CCM2L: variants seen among roughly 807,000 people sequenced by gnomAD.
The protein encoded by CCM2L is cerebral cavernous malformations 2 protein-like.
Under a neutral mutation model 54.1 loss-of-function variants are expected in CCM2L, and 36 were observed. The ratio of observed to expected loss-of-function variants is 0.67; its 90% CI spans 0.51 to 0.88. CCM2L has a LOEUF of 0.88. Among genes scored for constraint, CCM2L ranks in the 40% least tolerant of loss-of-function variants. The pLI is 0.00. For synonymous variants in CCM2L, 351 were observed against 359.3 expected (o/e 0.98, Z 0.26); for missense variants, 700 against 812.1 (o/e 0.86, Z 1.68).
In CCM2L at chr20:32,029,846, C is replaced by A. The variant is rs772023821; in HGVS notation, c.1402+8C>A. The A allele has an allele frequency of 1.3e-5, 20 of 1,590,032 alleles. No homozygotes were observed. The African/African-American group carries it at 2.4e-4, about 19-fold the overall frequency. ...GCAAGTTCCTCCTCCTTGGTGAGCC[C>A]CCGCTGTACCCCCAGAGGTCAGCTA... On this transcript the variant is annotated splice_region_variant and intron_variant, in intron 9 of 9. Transcript: ENST00000452892.
At position 32,015,015 on chromosome 20, in the gene CCM2L, GACT is replaced by G. The variant is rs1568910285; in HGVS notation, c.145_147del (p.Tyr49del). The stretch of plus-strand genomic sequence containing the variant: ...GCACTCGATGCCCCTTTATCCCCCC[GACT>G]ACCTCATCGACCCCCAGATTCTGCT... On this transcript the variant is annotated inframe_deletion, in exon 2 of 10. Coordinates refer to ENST00000452892, the MANE Select transcript of CCM2L (RefSeq NM_001365692.1). 2 of 1,569,536 alleles carry G rather than the reference GACT, an allele frequency of 1.3e-6. No individual in the cohort carries two copies. The highest frequency in any genetic ancestry group is 2.3e-5 in the South Asian group (2 of 86,354).
intron 1 of CCM2L, among the ~76,000 whole-genome samples, chr20:32,012,632 G>A (rs1018233470): frequency 2.0e-5 from 3 of 152,158 alleles, no homozygotes; most frequent in Non-Finnish European, 4.4e-5. Context: ...GAAATGCACA[G>A]TCTCAAGCTC....
chr20:32,018,924 G>A lies in CCM2L; in HGVS notation c.467-19G>A, dbSNP rs1364136553. The A allele has an allele frequency of 1.5e-6, 2 of 1,302,144 alleles. No individual in the cohort carries two copies. The highest frequency in any genetic ancestry group is 3.2e-5 in the East Asian group (1 of 31,678). 80.7% of individuals were successfully genotyped at this position (1,302,144 alleles called of 1,614,324 possible). On this transcript the variant is annotated intron_variant, in intron 4 of 9. Transcript: ENST00000452892. ...TGAGTCCCGATCCCCGCGGCTGACG[G>A]TCCCCCGGACTCTCCTAGGTCTGGG...
At chr20:32,029,613 G>A in intron 8 of CCM2L, 87 bp from the exon 9 acceptor site, 1 of 1,482,478 alleles carries the variant, frequency 6.7e-7, no homozygotes, top group Non-Finnish European at 9.0e-7. Flanking sequence ...GACCAAACAT[G>A]CCCTTAGGGA....
Position 32,031,004 on chromosome 20 carries a change from T to C in CCM2L, c.1406T>C (p.Met469Thr), listed in dbSNP as rs1482903881. Residue 469 changes from methionine to threonine, a missense_variant, in exon 10 of 10, where the codon ATG becomes ACG. By Grantham distance (81) the Met-to-Thr change is moderately conservative. Transcript: ENST00000452892. Reference protein sequence around the residue: ...GDRRKFLLLGMRPFIPDQDIG... With the variant: ...GDRRKFLLLGTRPFIPDQDIG... ...CACCATGCCCCTCGGCTCGCAGGGA[T>C]GCGGCCCTTCATCCCGGACCAGGAC... is the stretch of plus-strand genomic sequence containing the variant. 7.7e-7 allele frequency: 1 copy of C among 1,303,982 alleles called. No homozygotes were observed. Among genetic ancestry groups the C allele is most frequent in the Admixed American group, 2.3e-5 (1 of 43,514 alleles). 80.8% of individuals were successfully genotyped at this position (1,303,982 alleles called of 1,614,324 possible). A position where few individuals can be genotyped will look rare whatever the true frequency, so the allele number is the denominator to read the frequency against.
Position 32,019,534 on chromosome 20 carries a change from C to T in CCM2L, c.933+125C>T, listed in dbSNP as rs181980259. On this transcript the variant is annotated intron_variant, in intron 5 of 9. Coordinates refer to ENST00000452892, the MANE Select transcript of CCM2L (RefSeq NM_001365692.1). ...GCCCCTGCCTTCTCCCTGCACCTGC[C>T]CCACCTAATGGCTCCTAAACTCCGG... is the stretch of plus-strand genomic sequence containing the variant. 6.5e-4 allele frequency: 411 copies of T among 630,142 alleles called. 3 individuals are homozygous for T. The African/African-American group carries it at 7.1e-3, about 11-fold the overall frequency. The allele number at this position is 630,142 out of a possible 1,614,324, so 39.0% of individuals were successfully genotyped here.
At position 32,031,320 on chromosome 20, in the gene CCM2L, GC is replaced by G. The variant is rs1568930423; in HGVS notation, c.*10del. 7.9e-7 allele frequency: 1 copy of G among 1,263,198 alleles called. No individual in the cohort carries two copies. Among genetic ancestry groups the G allele is most frequent in the South Asian group, 1.3e-5 (1 of 79,234 alleles). 78.2% of individuals were successfully genotyped at this position (1,263,198 alleles called of 1,614,324 possible). On this transcript the variant is annotated 3_prime_UTR_variant, in exon 10 of 10. Transcript: ENST00000452892. ...CAGAAGACAACTACCTGTAGCCACC[GC>G]CCCTGCGGACGGCGTGGCTCAGCAG...
chr20:32,026,194 A>G (rs996290797), intron 7 of CCM2L, among the ~76,000 whole-genome samples: 3 of 152,240 alleles, frequency 2.0e-5, no homozygotes, highest in African/African-American at 7.2e-5. Context: ...AACCAAAATC[A>G]TAGCTACATG....
chr20:32,023,085 G>T (rs1023628865), intron 6 of CCM2L, among the ~76,000 whole-genome samples: 1 of 152,096 alleles, frequency 6.6e-6, no homozygotes, highest in Admixed American at 6.5e-5. Context: ...CTCTGCCTCA[G>T]TCTCCCGAGT....
intron 5 of CCM2L, among the ~76,000 whole-genome samples, chr20:32,020,142 C>G (rs1438447480): frequency 6.6e-6 from 1 of 152,210 alleles, no homozygotes; most frequent in Non-Finnish European, 1.5e-5. Context: ...TTAGGGAGCT[C>G]ACAGGCGAGC....
chr20:32,025,085 CTCTTTCT>C (rs1319064023), intron 6 of CCM2L, among the ~76,000 whole-genome samples: 12 of 141,412 alleles, frequency 8.5e-5, no homozygotes, highest in African/African-American at 2.3e-4. Flanking sequence ...CTTTCTTTCT[CTCTTTCT>C]TTTCTTTTCT....
intron 7 of CCM2L, among the ~76,000 whole-genome samples, chr20:32,026,328 T>C (rs747526108): frequency 9.2e-5 from 14 of 152,282 alleles, no homozygotes; most frequent in South Asian, 6.2e-4. Flanking sequence ...CAATTCAACA[T>C]TTCATGGTTG....
chr20:32,018,841 G>A (rs1000276220), intron 4 of CCM2L, 102 bp from the exon 5 acceptor site: 224 of 1,193,500 alleles, frequency 1.9e-4, no homozygotes, highest in Non-Finnish European at 1.3e-4. Flanking sequence ...GGCGGCGGTG[G>A]AACCCCAGAG....
rs574111488 is a variant in CCM2L at position 32,024,190 on chromosome 20, C to T, written c.1069+1395C>T. ...ACAACCTTATTCCCCATGCTGCCTT[C>T]AGGCCAGTGGGTGAATTCCCCAGCC... is the stretch of plus-strand genomic sequence containing the variant. On this transcript the variant is annotated intron_variant, in intron 6 of 9. Transcript: ENST00000452892. Among the ~76,000 whole-genome samples the T allele has an allele frequency of 2.0e-5, 3 of 152,324 alleles. No individual in the cohort carries two copies. In the East Asian group the frequency reaches 5.8e-4, roughly 29 times the overall value.
At chr20:32,020,215 C>T (rs1015225857) in intron 5 of CCM2L, among the ~76,000 whole-genome samples, 2 of 152,140 alleles carry the variant, frequency 1.3e-5, no homozygotes, top group Non-Finnish European at 2.9e-5. Flanking sequence ...CAGATCCCTC[C>T]GTATAAAAAC....
chr20:32,022,828 T>C (rs1276224700), intron 6 of CCM2L, 33 bp downstream of exon 6: 1 of 1,608,474 alleles, frequency 6.2e-7, no homozygotes, highest in East Asian at 2.2e-5. Context: ...TCCCCTCCTG[T>C]GAAACATCCC....
intron 2 of CCM2L, among the ~76,000 whole-genome samples, chr20:32,016,630 C>T (rs889038840): frequency 6.6e-6 from 1 of 151,576 alleles, no homozygotes; most frequent in African/African-American, 2.4e-5. Flanking sequence ...CACTCCAGCC[C>T]GGGCGACAGT....
rs975466302 is a variant in CCM2L, at chr20:32,024,624, C to T, written c.1070-1232C>T. 3.9e-5 allele frequency among the ~76,000 whole-genome samples: 6 copies of T among 152,096 alleles called. No homozygotes were observed. In the East Asian group the frequency reaches 9.6e-4, roughly 24 times the overall value. On this transcript the variant is annotated intron_variant, in intron 6 of 9. Coordinates refer to ENST00000452892, the MANE Select transcript of CCM2L (RefSeq NM_001365692.1). ...GGTGGATCACCTGAGGTCAGGAGTTCGAGACTAGCCTGGCCAACATGGTGA... is the reference window on the plus strand; with the variant it reads ...GGTGGATCACCTGAGGTCAGGAGTTTGAGACTAGCCTGGCCAACATGGTGA...
chr20:32,013,741 C>T (rs775819163), intron 1 of CCM2L, among the ~76,000 whole-genome samples: 2 of 152,164 alleles, frequency 1.3e-5, no homozygotes, highest in African/African-American at 4.8e-5. Context: ...TAAACCACCA[C>T]GCCTGGCCTT....
Sources: gnomAD v4.1 joint callset for allele counts (sites outside exome capture counted in the v4.1 genomes callset) on GRCh38, gnomAD v4.1.1 for gene constraint, MANE v1.5 for transcripts, NCBI Gene and HGNC (gene_info 2026-07-23, HGNC 2026-07-21) for gene names.